KDM2A: variants seen among roughly 807,000 people sequenced by gnomAD.
KDM2A encodes the protein lysine demethylase 2A, also known as lysine-specific demethylase 2A.
Under a neutral mutation model 137.3 loss-of-function variants are expected in KDM2A, and 3 were observed. That is an observed-to-expected ratio of 0.02 (90% CI 0.01 to 0.06). The LOEUF is 0.06. Ranked by LOEUF, KDM2A falls within the 10% of genes least tolerant of loss-of-function variation. The probability of loss-of-function intolerance (pLI) is 1.00; values close to 1 mark genes in which losing one functional copy is unlikely to be tolerated. For missense variants in KDM2A, 738 were observed against 1,510.6 expected, an observed-to-expected ratio of 0.49 and a Z score of 8.48; for synonymous variants, 512 against 541.5, an observed-to-expected ratio of 0.95 and a Z score of 0.76.
Position 67,219,418 on chromosome 11 carries a change from G to A in KDM2A, c.957+15G>A, listed in dbSNP as rs764089486. 6.9e-7 allele frequency: 1 copy of A among 1,442,842 alleles called. No homozygotes were observed. The highest frequency in any genetic ancestry group is 1.9e-5 in the Admixed American group (1 of 53,982). The allele number at this position is 1,442,842 out of a possible 1,614,324, so 89.4% of individuals were successfully genotyped here. ...ATCGGACACGGGTAAGTAATCTTATGTAACAGTTGCATGTGAAGAGGTTTA... is the reference window on the plus strand; with the variant it reads ...ATCGGACACGGGTAAGTAATCTTATATAACAGTTGCATGTGAAGAGGTTTA... On this transcript the variant is annotated intron_variant, in intron 10 of 20. Coordinates refer to ENST00000529006, the MANE Select transcript of KDM2A (RefSeq NM_012308.3).
At chr11:67,203,003 CAAA>C (rs752108775) in intron 5 of KDM2A, among the ~76,000 whole-genome samples, 12 of 104,840 alleles carry the variant, frequency 1.1e-4, no homozygotes, top group Non-Finnish European at 1.3e-4. Context: ...CGTCCGCCGC[CAAA>C]AAAAAAAAAA....
chr11:67,156,892 A>G (rs1399753829), intron 2 of KDM2A, among the ~76,000 whole-genome samples: 1 of 150,332 alleles, frequency 6.7e-6, no homozygotes, highest in African/African-American at 2.4e-5. Context: ...ACTCTCTCAA[A>G]AAGAAAATAT....
In KDM2A at chr11:67,250,317, C is replaced by G; in HGVS notation, c.2287C>G (p.Leu763Val). The change falls in exon 17 of 21, where the codon CTG becomes GTG. Residue 763 changes from leucine to valine, a missense_variant. Around this residue, in one of 9 missense-constraint regions of KDM2A, gnomAD observed 244 missense variants for 324.6 expected, o/e 0.75. Coordinates refer to ENST00000529006, the MANE Select transcript of KDM2A (RefSeq NM_012308.3). The surrounding 1 kb of genome is among the most constrained non-coding windows in gnomAD (Gnocchi z 7.1). ...TGAGCGCTTCAAACGGCGGCAGTTG[C>G]TGCGGCTGCAGGCCACAGAGCGCAC... ...RDERFKRRQLLRLQATERTMV... is the reference protein window; with the variant it reads ...RDERFKRRQLVRLQATERTMV... The G allele has an allele frequency of 6.2e-7, 1 of 1,613,900 alleles. No individual in the cohort carries two copies. The highest frequency in any genetic ancestry group is 8.5e-7 in the Non-Finnish European group (1 of 1,179,882).
Position 67,207,646 on chromosome 11 carries a change from T to C in KDM2A, c.444T>C (p.Phe148=), listed in dbSNP as rs1857846520. 6.2e-7 allele frequency: 1 copy of C among 1,613,168 alleles called. No individual in the cohort carries two copies. Among genetic ancestry groups the C allele is most frequent in the Non-Finnish European group, 8.5e-7 (1 of 1,179,520 alleles). The change falls in exon 6 of 21, where the codon TTT becomes TTC. Residue 148 remains phenylalanine, a synonymous_variant. Transcript: ENST00000529006. ...EKLYNVISLE[F]SHTRLENMVQ... The stretch of plus-strand genomic sequence containing the variant: ...TCTATAATGTCATCAGCCTCGAGTT[T>C]AGCCACACCAGGCTGGAGAATATGG...
intron 12 of KDM2A, among the ~76,000 whole-genome samples, chr11:67,237,328 C>A (rs933773890): frequency 1.3e-5 from 2 of 152,062 alleles, no homozygotes; most frequent in South Asian, 4.1e-4. Context: ...ATTAGGAATT[C>A]TCTTCAGTTG....
At chr11:67,169,001 G>A (rs1429899164) in intron 2 of KDM2A, among the ~76,000 whole-genome samples, 1 of 140,562 alleles carries the variant, frequency 7.1e-6, no homozygotes, top group Admixed American at 7.5e-5. Flanking sequence ...TGTCGCACAG[G>A]CTGGAGTGTA....
At position 67,255,288 on chromosome 11, in the gene KDM2A, A is replaced by G. The variant is rs1207744359; in HGVS notation, c.*233A>G. 1 of 559,224 alleles carries G rather than the reference A, an allele frequency of 1.8e-6. No individual in the cohort carries two copies. Among genetic ancestry groups the G allele is most frequent in the Non-Finnish European group, 3.2e-6 (1 of 309,566 alleles). The allele number at this position is 559,224 out of a possible 1,614,324, so 34.6% of individuals were successfully genotyped here. A position where few individuals can be genotyped will look rare whatever the true frequency, so the allele number is the denominator to read the frequency against. The stretch of plus-strand genomic sequence containing the variant: ...GGGAGTAGCAGATTGATCTGAGGGG[A>G]AAGCACAGGCTGTGCTGTCGAGGCG... On this transcript the variant is annotated 3_prime_UTR_variant, in exon 21 of 21. Transcript: ENST00000529006.
intron 2 of KDM2A, among the ~76,000 whole-genome samples, chr11:67,171,948 A>G (rs933103939): frequency 6.6e-6 from 1 of 152,266 alleles, no homozygotes; most frequent in Non-Finnish European, 1.5e-5. Flanking sequence ...CTATATGTTT[A>G]TAGTAAGTTT....
chr11:67,191,485 A>C (rs577262086), intron 5 of KDM2A, among the ~76,000 whole-genome samples: 68 of 152,350 alleles, frequency 4.5e-4, no homozygotes, highest in Non-Finnish European at 1.5e-5. Context: ...GCATATTAAA[A>C]GGATTATACA....
rs1290376295 is a variant in KDM2A at position 67,250,502 on chromosome 11, C to T, written c.2472C>T (p.Ala824=). The T allele has an allele frequency of 6.2e-7, 1 of 1,613,940 alleles. No individual in the cohort carries two copies. Among genetic ancestry groups the T allele is most frequent in the Non-Finnish European group, 8.5e-7 (1 of 1,179,910 alleles). The change falls in exon 17 of 21, where the codon GCC becomes GCT. Residue 824 remains alanine, a synonymous_variant. Coordinates refer to ENST00000529006, the MANE Select transcript of KDM2A (RefSeq NM_012308.3). This position sits in a 1 kb window ranked among gnomAD's most constrained non-coding sequence, Gnocchi z 7.1. ...SIVPKLQAIT[A]SSANLRHSPR... is the part of the protein sequence containing the mutation. Reference sequence around the variant, plus strand: ...TGCCCAAGCTGCAGGCCATCACGGCCTCCTCTGCCAACCTTCGCCATTCCC... The same window carrying T: ...TGCCCAAGCTGCAGGCCATCACGGCTTCCTCTGCCAACCTTCGCCATTCCC...
chr11:67,180,147 T>C lies in KDM2A; in HGVS notation c.111T>C (p.Thr37=), dbSNP rs187296775. The C allele has an allele frequency of 1.4e-4, 219 of 1,613,882 alleles. No homozygotes were observed. In the Admixed American group the frequency reaches 3.2e-3, roughly 24 times the overall value. Residue 37 remains threonine (T), a synonymous_variant, in exon 3 of 21, where the codon ACT becomes ACC. Coordinates refer to ENST00000529006, the MANE Select transcript of KDM2A (RefSeq NM_012308.3). ...ISDDEIEGKR[T]FDLEEKLHTN... ...ATGATGAAATTGAAGGAAAAAGAAC[T>C]TTTGACTTGGAAGAGAAACTGCACA...
intron 2 of KDM2A, among the ~76,000 whole-genome samples, chr11:67,165,958 C>T (rs1353209097): frequency 6.6e-6 from 1 of 152,082 alleles, no homozygotes; most frequent in Non-Finnish European, 1.5e-5. Context: ...ACTAAATTGG[C>T]ATGACCAGTA....
intron 16 of KDM2A, among the ~76,000 whole-genome samples, chr11:67,249,793 CAG>C (rs563113029): frequency 1.3e-5 from 2 of 152,160 alleles, no homozygotes; most frequent in South Asian, 2.1e-4. Context: ...CACCATGAAA[CAG>C]AAATACGTCT....
At chr11:67,148,992 T>C (rs1856320850) in intron 2 of KDM2A, 1 of 152,172 alleles carries the variant, frequency 6.6e-6, no homozygotes, top group Non-Finnish European at 1.5e-5. Context: ...TATAACATGT[T>C]TAGCATGGTT....
chr11:67,123,564 T>C (rs374852787), intron 2 of KDM2A, among the ~76,000 whole-genome samples: 2 of 152,300 alleles, frequency 1.3e-5, no homozygotes, highest in South Asian at 2.1e-4. Context: ...CTTTCCCAGG[T>C]AGTTATTGCT....
chr11:67,125,756 G>A (rs1855707118), intron 2 of KDM2A, among the ~76,000 whole-genome samples: 2 of 149,898 alleles, frequency 1.3e-5, no homozygotes, highest in Admixed American at 1.3e-4. Context: ...TCCAGCCTGG[G>A]CGACAGAGTG....
chr11:67,234,381 A>G (rs900355633), intron 12 of KDM2A, among the ~76,000 whole-genome samples: 1 of 152,212 alleles, frequency 6.6e-6, no homozygotes, highest in African/African-American at 2.4e-5. Context: ...GTTGTAACCT[A>G]TCTGGCTTTC....
At chr11:67,201,878 C>T (rs1018502288) in intron 5 of KDM2A, among the ~76,000 whole-genome samples, 1 of 151,182 alleles carries the variant, frequency 6.6e-6, no homozygotes, top group Admixed American at 6.6e-5. Context: ...TCACTTGAGC[C>T]CAGGAATTCG....
rs779315020 is a variant in KDM2A, at chr11:67,254,851, CATT to C, written c.3308-20_3308-18del. 11 of 1,609,062 alleles carry C rather than the reference CATT, an allele frequency of 6.8e-6. No individual in the cohort carries two copies. In the East Asian group the frequency reaches 2.0e-4, roughly 29 times the overall value. ...AAAGCTGTGTGTATGTGAGCACTGT[CATT>C]ATGTCCACTTTCCCGACAGGTTGCA... On this transcript the variant is annotated intron_variant, in intron 20 of 20. Coordinates refer to ENST00000529006, the MANE Select transcript of KDM2A (RefSeq NM_012308.3). This position sits in a 1 kb window ranked among gnomAD's most constrained non-coding sequence, Gnocchi z 4.7.
Sources: allele counts gnomAD v4.1 joint callset (sites outside exome capture counted in the v4.1 genomes callset), GRCh38; gene constraint gnomAD v4.1.1; regional missense constraint gnomAD v4.1.1; non-coding constraint Gnocchi (gnomAD v3.1); transcripts MANE v1.5; gene names NCBI Gene and HGNC (gene_info 2026-07-23, HGNC 2026-07-21).